PACRGL: variants seen among roughly 807,000 people sequenced by gnomAD.
The protein encoded by PACRGL is PACRG-like protein.
Under a neutral mutation model 34.5 loss-of-function variants are expected in PACRGL, and 38 were observed. The ratio of observed to expected loss-of-function variants is 1.10; its 90% CI spans 0.85 to 1.44. The LOEUF is 1.44. Among genes scored for constraint, PACRGL ranks in the 40% most tolerant of loss-of-function variants. PACRGL has a pLI of 0.00. For missense variants in PACRGL, 305 were observed against 281.4 expected (o/e 1.08, Z -0.60); for synonymous variants, 128 against 100.1 (o/e 1.28, Z -1.66).
intron 8 of PACRGL, among the ~76,000 whole-genome samples, chr4:20,742,922 A>G (rs1751498689): frequency 1.3e-5 from 2 of 152,116 alleles, no homozygotes; most frequent in African/African-American, 4.8e-5. Context: ...TACACCAATA[A>G]TAGACAAACA....
At chr4:20,707,204 T>A (rs892113286) in intron 3 of PACRGL, among the ~76,000 whole-genome samples, 1 of 152,252 alleles carries the variant, frequency 6.6e-6, no homozygotes, top group Non-Finnish European at 1.5e-5. Flanking sequence ...TTAACTGTTG[T>A]GATTGACCAT....
chr4:20,719,636 G>T (rs1430713683), intron 7 of PACRGL, among the ~76,000 whole-genome samples: 1 of 152,146 alleles, frequency 6.6e-6, no homozygotes, highest in Non-Finnish European at 1.5e-5. Context: ...GTAGTTGAGC[G>T]GTTTTGAGTG....
intron 7 of PACRGL, among the ~76,000 whole-genome samples, chr4:20,713,854 C>G (rs554227587): frequency 1.3e-5 from 2 of 152,168 alleles, no homozygotes; most frequent in African/African-American, 4.8e-5. Context: ...GCACTGTGGT[C>G]TGAGAGACAA....
chr4:20,722,070 C>G (rs1470597638), intron 7 of PACRGL, among the ~76,000 whole-genome samples: 1 of 152,244 alleles, frequency 6.6e-6, no homozygotes, highest in Non-Finnish European at 1.5e-5. Flanking sequence ...AGTTCTATCC[C>G]AGACTGCTGT....
At chr4:20,722,748 A>G (rs6447972) in intron 7 of PACRGL, among the ~76,000 whole-genome samples, 76,651 of 151,982 alleles carry the variant, frequency 0.5, 19,892 homozygotes, top group African/African-American at 0.61. Context: ...TACCCTATCC[A>G]GGAGGACATT....
the PACRGL span, among the ~76,000 whole-genome samples, chr4:20,762,047 A>T: frequency 6.6e-6 from 1 of 152,304 alleles, no homozygotes; most frequent in Middle Eastern, 3.4e-3. Context: ...AGGCTCCTTT[A>T]ACAAAATGCC....
intron 8 of PACRGL, among the ~76,000 whole-genome samples, chr4:20,749,434 T>G (rs905267171): frequency 6.6e-6 from 1 of 152,164 alleles, no homozygotes; most frequent in Non-Finnish European, 1.5e-5. Flanking sequence ...ATTGAAGAAG[T>G]GGACTCTCCT....
At chr4:20,721,134 G>A (rs185500977) in intron 7 of PACRGL, among the ~76,000 whole-genome samples, 72 of 152,204 alleles carry the variant, frequency 4.7e-4, no homozygotes, top group African/African-American at 1.7e-3. Context: ...TGAAGCTTGT[G>A]CATTCGTCAT....
rs556461791 is a variant in PACRGL at position 20,743,185 on chromosome 4, A to G, written c.*57-9380A>G. ...AAGAATCCATATCGTGAACATGGCC[A>G]TACTGCCCAAGGTGTAATTTATAGA... On this transcript the variant is annotated intron_variant, in intron 8 of 8. Coordinates refer to the PACRGL transcript ENST00000507634. Among the ~76,000 whole-genome samples, 7 of 152,294 alleles carry G rather than the reference A, an allele frequency of 4.6e-5. No homozygotes were observed. The South Asian group carries it at 1.2e-3, about 27-fold the overall frequency.
At chr4:20,716,736 A>G (rs1324506404) in intron 7 of PACRGL, among the ~76,000 whole-genome samples, 1 of 152,068 alleles carries the variant, frequency 6.6e-6, no homozygotes, top group Non-Finnish European at 1.5e-5. Flanking sequence ...TCTATCATTG[A>G]TGGACATTTG....
At chr4:20,714,986 G>A (rs1040240621) in intron 7 of PACRGL, among the ~76,000 whole-genome samples, 9 of 152,110 alleles carry the variant, frequency 5.9e-5, no homozygotes, top group East Asian at 1.9e-4. Flanking sequence ...TATGTTTATC[G>A]TGGCACTACT....
In PACRGL at chr4:20,729,843, T is replaced by G. The variant is rs1317354573; in HGVS notation, c.*2502T>G. On this transcript the variant is annotated 3_prime_UTR_variant, in exon 9 of 9. Coordinates refer to ENST00000503585, the MANE Select transcript of PACRGL (RefSeq NM_001258345.3). ...TGCCAGATTCTATTACTTTTGAATA[T>G]TCACAGAGTATGAAATGAGTTAGAC... is the stretch of plus-strand genomic sequence containing the variant. The G allele has an allele frequency of 2.5e-6, 1 of 392,290 alleles. No homozygotes were observed. Among genetic ancestry groups the G allele is most frequent in the African/African-American group, 2.1e-5 (1 of 48,278 alleles). 24.3% of individuals were successfully genotyped at this position (392,290 alleles called of 1,614,324 possible). A position where few individuals can be genotyped will look rare whatever the true frequency, so the allele number is the denominator to read the frequency against.
intron 8 of PACRGL, among the ~76,000 whole-genome samples, chr4:20,742,225 C>G (rs1382806245): frequency 6.6e-6 from 1 of 152,164 alleles, no homozygotes; most frequent in African/African-American, 2.4e-5. Context: ...TTTTATGAGG[C>G]CAGCATCATC....
At chr4:20,713,254 ATGTCC>A (rs1738165617) in intron 6 of PACRGL, 173 bp from the exon 7 acceptor site, 3 of 584,682 alleles carry the variant, frequency 5.1e-6, no homozygotes, top group Non-Finnish European at 8.9e-6. Context: ...TTGCTTCTAG[ATGTCC>A]TGTGTTGAAG....
At chr4:20,723,015 C>T (rs940665681) in intron 7 of PACRGL, among the ~76,000 whole-genome samples, 1 of 152,160 alleles carries the variant, frequency 6.6e-6, no homozygotes, top group Non-Finnish European at 1.5e-5. Flanking sequence ...TGTTCCAATA[C>T]ACCCTAGGAA....
At position 20,728,413 on chromosome 4, in the gene PACRGL, A is replaced by G. The variant is rs1451703013; in HGVS notation, c.*1072A>G. The stretch of plus-strand genomic sequence containing the variant: ...AATTTTTAAGAAGCTTTTAAAATAT[A>G]ATATAGACATAGTTCAGAATTTTGA... On this transcript the variant is annotated 3_prime_UTR_variant, in exon 9 of 9. Transcript: ENST00000503585. 6.6e-6 allele frequency: 1 copy of G among 152,200 alleles called. No individual in the cohort carries two copies. The highest frequency in any genetic ancestry group is 1.5e-5 in the Non-Finnish European group (1 of 68,032). The allele number at this position is 152,200 out of a possible 1,614,324, so 9.4% of individuals were successfully genotyped here.
intron 3 of PACRGL, among the ~76,000 whole-genome samples, chr4:20,706,608 G>C (rs1183704083): frequency 6.7e-6 from 1 of 150,126 alleles, no homozygotes; most frequent in Non-Finnish European, 1.5e-5. Flanking sequence ...ACGGAATCTC[G>C]CTCCGTCGCC....
At chr4:20,760,249 C>T in the PACRGL span, among the ~76,000 whole-genome samples, 1 of 152,142 alleles carries the variant, frequency 6.6e-6, no homozygotes, top group Non-Finnish European at 1.5e-5. Context: ...CGCCACCTAA[C>T]GTCCACCCAG....
intron 7 of PACRGL, among the ~76,000 whole-genome samples, chr4:20,717,605 G>T (rs988082197): frequency 1.2e-4 from 19 of 152,112 alleles, no homozygotes; most frequent in Non-Finnish European, 2.4e-4. Flanking sequence ...TTTCCCCATT[G>T]CTTGTTTCTG....
Sources: gnomAD v4.1 joint callset for allele counts (sites outside exome capture counted in the v4.1 genomes callset) on GRCh38, gnomAD v4.1.1 for gene constraint, MANE v1.5 for transcripts, NCBI Gene and HGNC (gene_info 2026-07-23, HGNC 2026-07-21) for gene names.